The following FNDC3B variants were observed in gnomAD, a reference collection of about 807,000 sequenced individuals.
FNDC3B encodes fibronectin type III domain-containing protein 3B.
In FNDC3B, 12 loss-of-function variants were observed where a neutral mutation model predicts 151.5. The observed-to-expected ratio is 0.08, with a 90% CI of 0.05 to 0.13. The LOEUF (loss-of-function observed/expected upper bound fraction) is 0.13. FNDC3B is among the 10% of genes least tolerant of loss of function. The pLI, the probability that FNDC3B is intolerant of heterozygous loss-of-function variation, is 1.00. For missense variants in FNDC3B, 1,214 were observed against 1,505.3 expected, an observed-to-expected ratio of 0.81 and a Z score of 3.20; for synonymous variants, 528 against 549.0, an observed-to-expected ratio of 0.96 and a Z score of 0.54.
At chr3:172,213,811 G>A (rs1326195248) in intron 3 of FNDC3B, among the ~76,000 whole-genome samples, 3 of 152,122 alleles carry the variant, frequency 2.0e-5, no homozygotes, top group Admixed American at 2.0e-4. Flanking sequence ...TTCAGCTCAG[G>A]ATAAACAGCA....
intron 21 of FNDC3B, among the ~76,000 whole-genome samples, chr3:172,351,842 T>TA (rs1212624201): frequency 2.6e-5 from 4 of 152,022 alleles, no homozygotes. Context: ...CAGGTTTTTG[T>TA]AAGGAGGGAT....
chr3:172,258,976 TC>T (rs1480372121), intron 6 of FNDC3B, among the ~76,000 whole-genome samples: 1 of 152,150 alleles, frequency 6.6e-6, no homozygotes, highest in African/African-American at 2.4e-5. Flanking sequence ...GTTCTTCTTT[TC>T]CCCCAGAGTA....
intron 3 of FNDC3B, among the ~76,000 whole-genome samples, chr3:172,215,520 TCG>T (rs1725932326): frequency 6.6e-6 from 1 of 152,168 alleles, no homozygotes; most frequent in African/African-American, 2.4e-5. Context: ...GGTCAAGAGT[TCG>T]AGACCAGCCT....
intron 20 of FNDC3B, 113 bp from the exon 21 acceptor site, chr3:172,347,099 T>C: frequency 1.1e-6 from 1 of 895,952 alleles, no homozygotes. Context: ...TATATGTATT[T>C]GAAATATTCT....
intron 3 of FNDC3B, among the ~76,000 whole-genome samples, chr3:172,137,608 G>C (rs1721433760): frequency 6.6e-6 from 1 of 152,000 alleles, no homozygotes; most frequent in Non-Finnish European, 1.5e-5. Context: ...GTGAGCTATG[G>C]TTGCACCACT....
intron 11 of FNDC3B, among the ~76,000 whole-genome samples, chr3:172,325,698 G>C (rs542363662): frequency 6.6e-6 from 1 of 152,216 alleles, no homozygotes; most frequent in African/African-American, 2.4e-5. Flanking sequence ...AGACCAGCAC[G>C]CTGGCATCGG....
chr3:172,247,414 C>T (rs1278372273), intron 4 of FNDC3B, 119 bp from the exon 5 acceptor site: 1 of 1,044,186 alleles, frequency 9.6e-7, no homozygotes, highest in Non-Finnish European at 1.4e-6. Context: ...ATACAACATG[C>T]ATTTGTTTTT....
At chr3:172,150,956 A>G (rs1186231559) in intron 3 of FNDC3B, among the ~76,000 whole-genome samples, 1 of 151,792 alleles carries the variant, frequency 6.6e-6, no homozygotes, top group East Asian at 1.9e-4. Flanking sequence ...TTTTTTTTCT[A>G]AGTTTGTGTT....
In FNDC3B at chr3:172,398,653, A is replaced by T. The variant is rs1003406371; in HGVS notation, c.*1178A>T. The T allele has an allele frequency of 1.3e-5, 2 of 152,204 alleles. No individual in the cohort carries two copies. Among genetic ancestry groups the T allele is most frequent in the African/African-American group, 4.8e-5 (2 of 41,460 alleles). 9.4% of individuals were successfully genotyped at this position (152,204 alleles called of 1,614,324 possible). On this transcript the variant is annotated 3_prime_UTR_variant, in exon 26 of 26. Transcript: ENST00000415807. ...GTAAACACAGGGTGTTTGGGGATCA[A>T]GGAGCCTAGATTCTCTCCCTGGATC... is the stretch of plus-strand genomic sequence containing the variant.
intron 5 of FNDC3B, 105 bp downstream of exon 5, chr3:172,247,881 G>GATCT (rs1357956791): frequency 1.3e-5 from 17 of 1,288,448 alleles, no homozygotes; most frequent in Non-Finnish European, 1.5e-5. Flanking sequence ...AGTAGAAAAG[G>GATCT]ATCTAGGTGG....
chr3:172,340,707 A>G lies in FNDC3B; in HGVS notation c.1853-406A>G, dbSNP rs78371112. ...GAGAAATTCTTGCGTACCACCCCAGACTTGCCAGAAGCCTCGTGGCCAAGA... is the reference window on the plus strand; with the variant it reads ...GAGAAATTCTTGCGTACCACCCCAGGCTTGCCAGAAGCCTCGTGGCCAAGA... On this transcript the variant is annotated intron_variant, in intron 16 of 25. Transcript: ENST00000415807. 1.1e-3 allele frequency among the ~76,000 whole-genome samples: 164 copies of G among 152,244 alleles called. 1 individual carries two copies. In the East Asian group the frequency reaches 0.03, roughly 28 times the overall value.
chr3:172,329,212 TAA>T, intron 12 of FNDC3B, 136 bp downstream of exon 12: 8 of 1,041,066 alleles, frequency 7.7e-6, no homozygotes, highest in Middle Eastern at 2.3e-4. Context: ...GAGGGAATCC[TAA>T]TCAGAGGAGA....
At chr3:172,366,998 G>A (rs1054556265) in intron 23 of FNDC3B, among the ~76,000 whole-genome samples, 2 of 152,132 alleles carry the variant, frequency 1.3e-5, no homozygotes, top group Non-Finnish European at 2.9e-5. Flanking sequence ...GTAAATAAAA[G>A]GGATCCCAAA....
intron 1 of FNDC3B, among the ~76,000 whole-genome samples, chr3:172,103,035 G>A (rs759737920): frequency 6.6e-6 from 1 of 152,196 alleles, no homozygotes; most frequent in African/African-American, 2.4e-5. Flanking sequence ...GGATGTCAGG[G>A]TGTGAGATGT....
At chr3:172,114,838 A>G (rs1215699394) in intron 2 of FNDC3B, among the ~76,000 whole-genome samples, 1 of 152,234 alleles carries the variant, frequency 6.6e-6, no homozygotes, top group Non-Finnish European at 1.5e-5. Flanking sequence ...TAAATAGTCA[A>G]AATACTCAAG....
At chr3:172,141,272 G>C (rs931704766) in intron 3 of FNDC3B, among the ~76,000 whole-genome samples, 1 of 152,138 alleles carries the variant, frequency 6.6e-6, no homozygotes, top group Non-Finnish European at 1.5e-5. Context: ...AGGGTTGCTG[G>C]TGATGGCACC....
chr3:172,348,863 T>G (rs1445541653), intron 21 of FNDC3B, among the ~76,000 whole-genome samples: 3 of 152,230 alleles, frequency 2.0e-5, no homozygotes, highest in Non-Finnish European at 4.4e-5. Context: ...ACTAAAGGAC[T>G]ATTGCCAGGA....
At chr3:172,331,459 G>A (rs1029772078) in intron 13 of FNDC3B, among the ~76,000 whole-genome samples, 12 of 152,248 alleles carry the variant, frequency 7.9e-5, no homozygotes, top group African/African-American at 2.2e-4. Flanking sequence ...CCAAGTTCAT[G>A]CCATTCTTCT....
chr3:172,109,181 T>G lies in FNDC3B; in HGVS notation c.-28-3271T>G, dbSNP rs866808625. Reference sequence around the variant, plus strand: ...CTTGGATTCTTTTTTTTTTTTTTTTTTTGAGACGGAGTCTTGCTCTGTCAC... The same window carrying G: ...CTTGGATTCTTTTTTTTTTTTTTTTGTTGAGACGGAGTCTTGCTCTGTCAC... On this transcript the variant is annotated intron_variant, in intron 1 of 25. Coordinates refer to ENST00000415807, the MANE Select transcript of FNDC3B (RefSeq NM_022763.4). Among the ~76,000 whole-genome samples the G allele has an allele frequency of 5.6e-4, 85 of 150,506 alleles. 2 individuals carry two copies. The South Asian group carries it at 6.7e-3, about 12-fold the overall frequency.
Sources: allele counts gnomAD v4.1 joint callset (sites outside exome capture counted in the v4.1 genomes callset), GRCh38; gene constraint gnomAD v4.1.1; transcripts MANE v1.5; gene names NCBI Gene and HGNC (gene_info 2026-07-23, HGNC 2026-07-21).